The following ABHD6 variants were observed in gnomAD, a reference collection of about 807,000 sequenced individuals.
ABHD6 encodes the protein monoacylglycerol lipase ABHD6.
In ABHD6, 33 loss-of-function variants were observed where a neutral mutation model predicts 38.8. That is an observed-to-expected ratio of 0.85 (90% CI 0.64 to 1.14). The LOEUF (loss-of-function observed/expected upper bound fraction) is 1.14, where lower values mean the gene tolerates loss of function less well. Among genes scored for constraint, ABHD6 ranks in the 50% most tolerant of loss-of-function variants. The probability of loss-of-function intolerance (pLI) is 0.00; values close to 1 mark genes in which losing one functional copy is unlikely to be tolerated. For synonymous variants in ABHD6, 147 were observed against 161.6 expected (o/e 0.91, Z 0.69); for missense variants, 380 against 422.6 (o/e 0.90, Z 0.88).
At chr3:58,286,472 G>C (rs1264108333) in intron 9 of ABHD6, among the ~76,000 whole-genome samples, 1 of 152,026 alleles carries the variant, frequency 6.6e-6, no homozygotes, top group African/African-American at 2.4e-5. Context: ...TTTTAAGCCA[G>C]AAGTTAGCAA....
At chr3:58,270,803 G>A in intron 5 of ABHD6, 129 bp from the exon 6 acceptor site, 1 of 1,063,214 alleles carries the variant, frequency 9.4e-7, no homozygotes, top group Admixed American at 2.9e-5. Context: ...ATCCAGTAGA[G>A]TTTCAGACTC....
At chr3:58,247,995 C>A (rs2107420959) in intron 1 of ABHD6, among the ~76,000 whole-genome samples, 1 of 152,348 alleles carries the variant, frequency 6.6e-6, no homozygotes, top group Non-Finnish European at 1.5e-5. Context: ...CCAGTGCTAA[C>A]CATAATCATG....
At position 58,284,279 on chromosome 3, in the gene ABHD6, G is replaced by A. The variant is rs183157895; in HGVS notation, c.682-806G>A. Among the ~76,000 whole-genome samples, 11 of 152,252 alleles carry A rather than the reference G, an allele frequency of 7.2e-5. No individual in the cohort carries two copies. In the East Asian group the frequency reaches 2.1e-3, roughly 29 times the overall value. On this transcript the variant is annotated intron_variant, in intron 7 of 9. Coordinates refer to ENST00000478253, the MANE Select transcript of ABHD6 (RefSeq NM_001320126.2). The stretch of plus-strand genomic sequence containing the variant: ...GACAGTGTCAAATGATAAACAAAGG[G>A]CTGTTGAACCCTCCCAGTGGGACTG...
chr3:58,288,994 C>T (rs1345386348), intron 9 of ABHD6, among the ~76,000 whole-genome samples: 1 of 152,088 alleles, frequency 6.6e-6, no homozygotes, highest in Non-Finnish European at 1.5e-5. Context: ...ATAGTTTTAG[C>T]CCTGGTGTGA....
rs945435270 is a variant in ABHD6, at chr3:58,293,201, A to G, written c.838-388A>G. Among the ~76,000 whole-genome samples, 2 of 151,714 alleles carry G rather than the reference A, an allele frequency of 1.3e-5. No individual in the cohort carries two copies. The highest frequency in any genetic ancestry group is 1.5e-5 in the Non-Finnish European group (1 of 67,936). On this transcript the variant is annotated intron_variant, in intron 9 of 9. Transcript: ENST00000478253. The surrounding 1 kb of genome is among the most constrained non-coding windows in gnomAD (Gnocchi z 4.4). Reference sequence around the variant, plus strand: ...TGATCTCCCACCCTGTGCCATTCCCACATCCGTGAATGCTCCTCCCCTGTC... The same window carrying G: ...TGATCTCCCACCCTGTGCCATTCCCGCATCCGTGAATGCTCCTCCCCTGTC...
At chr3:58,241,972 C>T (rs1433204248) in intron 1 of ABHD6, among the ~76,000 whole-genome samples, 1 of 152,176 alleles carries the variant, frequency 6.6e-6, no homozygotes, top group Non-Finnish European at 1.5e-5. Flanking sequence ...AATGGCAGAG[C>T]AGAGATTTGA....
chr3:58,255,455 AGTCT>A (rs1418566531), intron 2 of ABHD6, among the ~76,000 whole-genome samples: 1 of 146,418 alleles, frequency 6.8e-6, no homozygotes, highest in Non-Finnish European at 1.5e-5. Flanking sequence ...TTTCTTTAAA[AGTCT>A]GTCTTTTTTT....
Position 58,294,386 on chromosome 3 carries a change from G to C in ABHD6, c.*621G>C, listed in dbSNP as rs1559787593. ...GGTACATGGGTGGGAGGTTCATTCA[G>C]CACCCACCAGTCAGGTATGTTCTGA... is the stretch of plus-strand genomic sequence containing the variant. On this transcript the variant is annotated 3_prime_UTR_variant, in exon 10 of 10. Coordinates refer to ENST00000478253, the MANE Select transcript of ABHD6 (RefSeq NM_001320126.2). 1 of 152,626 alleles carries C rather than the reference G, an allele frequency of 6.6e-6. No homozygotes were observed. Among genetic ancestry groups the C allele is most frequent in the Non-Finnish European group, 1.5e-5 (1 of 68,090 alleles). The allele number at this position is 152,626 out of a possible 1,614,324, so 9.5% of individuals were successfully genotyped here.
intron 3 of ABHD6, among the ~76,000 whole-genome samples, chr3:58,264,521 C>G (rs1185252432): frequency 6.6e-6 from 1 of 151,630 alleles, no homozygotes; most frequent in Non-Finnish European, 1.5e-5. Context: ...GAGACCCAGT[C>G]TCTACCTAAA....
Position 58,251,090 on chromosome 3 carries a change from CG to C in ABHD6, c.-26+1155del, listed in dbSNP as rs376251635. The stretch of plus-strand genomic sequence containing the variant: ...ATCCCAGCACTTTGGGAGGCCGAGG[CG>C]GGGGGGATCACCTGAGGTCAGGAGT... On this transcript the variant is annotated intron_variant, in intron 2 of 9. Transcript: ENST00000478253. The surrounding 1 kb of genome is among the most constrained non-coding windows in gnomAD (Gnocchi z 5.4). 6.6e-6 allele frequency among the ~76,000 whole-genome samples: 1 copy of C among 151,726 alleles called. No homozygotes were observed. The highest frequency in any genetic ancestry group is 2.4e-5 in the African/African-American group (1 of 41,264).
rs35038625 is a variant in ABHD6 at position 58,266,432 on chromosome 3, TA to T, written c.120-743del. Among the ~76,000 whole-genome samples, 38,325 of 132,394 alleles carry T rather than the reference TA, an allele frequency of 0.29. 4,901 individuals carry two copies. The highest frequency in any genetic ancestry group is 0.3 in the Admixed American group (3,928 of 12,930). 86.9% of individuals were successfully genotyped at this position (132,394 alleles called of 152,430 possible). On this transcript the variant is annotated intron_variant, in intron 3 of 9. Transcript: ENST00000478253. This position sits in a 1 kb window ranked among gnomAD's most constrained non-coding sequence, Gnocchi z 4.0. ...GTGGGTGACAGAGCGAGACTGTATC[TA>T]AAAAAAAAAAAAACCTGACCAAACA...
At chr3:58,283,972 CA>C (rs2097455145) in intron 7 of ABHD6, among the ~76,000 whole-genome samples, 1 of 152,196 alleles carries the variant, frequency 6.6e-6, no homozygotes, top group African/African-American at 2.4e-5. Context: ...TAGTCCATAG[CA>C]GCCATGGCTG....
At position 58,286,043 on chromosome 3, in the gene ABHD6, G is replaced by A. The variant is rs1426399897; in HGVS notation, c.837+590G>A. Among the ~76,000 whole-genome samples, 3 of 147,016 alleles carry A rather than the reference G, an allele frequency of 2.0e-5. No individual in the cohort carries two copies. The East Asian group carries it at 6.1e-4, about 30-fold the overall frequency. ...TTCTTTTGTTTTTTTTTTTTTAGAC[G>A]AAGTCTTGCTCTGTTACCCAGGCTG... is the stretch of plus-strand genomic sequence containing the variant. On this transcript the variant is annotated intron_variant, in intron 9 of 9. Coordinates refer to ENST00000478253, the MANE Select transcript of ABHD6 (RefSeq NM_001320126.2).
intron 2 of ABHD6, among the ~76,000 whole-genome samples, chr3:58,253,228 A>G (rs1451838391): frequency 1.3e-5 from 2 of 151,500 alleles, no homozygotes; most frequent in Non-Finnish European, 2.9e-5. Flanking sequence ...GTCAGAGTCT[A>G]TGATATATAT....
Position 58,267,091 on chromosome 3 carries a change from C to A in ABHD6, c.120-98C>A. On this transcript the variant is annotated intron_variant, in intron 3 of 9. Coordinates refer to ENST00000478253, the MANE Select transcript of ABHD6 (RefSeq NM_001320126.2). This position sits in a 1 kb window ranked among gnomAD's most constrained non-coding sequence, Gnocchi z 4.3. The stretch of plus-strand genomic sequence containing the variant: ...AGGGCTGGAGAAGTGTTTGTGTTAT[C>A]ACTAAGGAAGACTTATAGAGAGGAC... 1 of 1,299,458 alleles carries A rather than the reference C, an allele frequency of 7.7e-7. No individual in the cohort carries two copies. The highest frequency in any genetic ancestry group is 1.1e-6 in the Non-Finnish European group (1 of 930,122). The allele number at this position is 1,299,458 out of a possible 1,614,324, so 80.5% of individuals were successfully genotyped here.
At position 58,257,438 on chromosome 3, in the gene ABHD6, C is replaced by T. The variant is rs2097434187; in HGVS notation, c.119+733C>T. ...AGTGCAGTGGTGTCATCTCGGCTCA[C>T]TGCAACCTCTGCCTCCCAGGCTCAA... On this transcript the variant is annotated intron_variant, in intron 3 of 9. Coordinates refer to ENST00000478253, the MANE Select transcript of ABHD6 (RefSeq NM_001320126.2). The surrounding 1 kb of genome is among the most constrained non-coding windows in gnomAD (Gnocchi z 4.8). Among the ~76,000 whole-genome samples, 2 of 152,190 alleles carry T rather than the reference C, an allele frequency of 1.3e-5. No individual in the cohort carries two copies. Among genetic ancestry groups the T allele is most frequent in the South Asian group, 4.1e-4 (2 of 4,826 alleles).
chr3:58,280,552 G>C (rs567937186), intron 7 of ABHD6, among the ~76,000 whole-genome samples: 3 of 152,264 alleles, frequency 2.0e-5, no homozygotes, highest in African/African-American at 7.2e-5. Context: ...CTTTAGCACG[G>C]AGAAGTTTGT....
Position 58,267,427 on chromosome 3 carries a change from G to A in ABHD6, c.276+82G>A. Reference sequence around the variant, plus strand: ...TGCCTATAATCCCAGCACTTTGGGAGCCTGAGGCAGGAGGATTGCTTGAGT... The same window carrying A: ...TGCCTATAATCCCAGCACTTTGGGAACCTGAGGCAGGAGGATTGCTTGAGT... On this transcript the variant is annotated intron_variant, in intron 4 of 9. Coordinates refer to ENST00000478253, the MANE Select transcript of ABHD6 (RefSeq NM_001320126.2). This position sits in a 1 kb window ranked among gnomAD's most constrained non-coding sequence, Gnocchi z 4.3. The A allele has an allele frequency of 1.9e-6, 3 of 1,538,496 alleles. No individual in the cohort carries two copies. The highest frequency in any genetic ancestry group is 1.2e-5 in the South Asian group (1 of 86,790).
chr3:58,290,880 T>C (rs2097462157), intron 9 of ABHD6, among the ~76,000 whole-genome samples: 1 of 147,692 alleles, frequency 6.8e-6, no homozygotes, highest in African/African-American at 2.5e-5. Flanking sequence ...GCAGAGACGC[T>C]CCTCACTTTC....
Sources: gnomAD v4.1 joint callset for allele counts (sites outside exome capture counted in the v4.1 genomes callset) on GRCh38, gnomAD v4.1.1 for gene constraint, Gnocchi (gnomAD v3.1) non-coding constraint, MANE v1.5 for transcripts, NCBI Gene and HGNC (gene_info 2026-07-23, HGNC 2026-07-21) for gene names.